Variants in SNX13 observed in about 807,000 individuals in gnomAD.
SNX13 encodes sorting nexin 13, also known as sorting nexin-13.
Under a neutral mutation model 133.6 loss-of-function variants are expected in SNX13, and 45 were observed. The observed-to-expected ratio is 0.34, with a 90% CI of 0.27 to 0.43. SNX13 has a LOEUF of 0.43. Among genes scored for constraint, SNX13 ranks in the 20% least tolerant of loss-of-function variants. The pLI is 1.00. For missense variants in SNX13, 1,032 were observed against 1,145.1 expected, an observed-to-expected ratio of 0.90 and a Z score of 1.43; for synonymous variants, 414 against 373.9, an observed-to-expected ratio of 1.11 and a Z score of -1.24.
chr7:17,896,413 T>C (rs558942842), intron 2 of SNX13, among the ~76,000 whole-genome samples: 39 of 152,280 alleles, frequency 2.6e-4, no homozygotes, highest in Middle Eastern at 3.4e-3. Context: ...ATCAAATCTG[T>C]ATCCCCAAAA....
At chr7:17,921,359 T>C (rs1283980215) in intron 1 of SNX13, among the ~76,000 whole-genome samples, 3 of 152,198 alleles carry the variant, frequency 2.0e-5, no homozygotes, top group Non-Finnish European at 4.4e-5. Context: ...TGTACTGTTC[T>C]TGCTTTTTCC....
intron 3 of SNX13, among the ~76,000 whole-genome samples, chr7:17,892,060 G>A (rs888795256): frequency 6.6e-6 from 1 of 151,940 alleles, no homozygotes; most frequent in Non-Finnish European, 1.5e-5. Context: ...TGTAGGGATA[G>A]TTTTGGCAAC....
chr7:17,806,809 AG>A (rs941348467), intron 20 of SNX13, among the ~76,000 whole-genome samples: 1 of 152,164 alleles, frequency 6.6e-6, no homozygotes, highest in Non-Finnish European at 1.5e-5. Flanking sequence ...ACAGAGGGCG[AG>A]CTGAAGCAGG....
At chr7:17,841,185 G>T (rs1299941603) in intron 12 of SNX13, among the ~76,000 whole-genome samples, 9 of 152,050 alleles carry the variant, frequency 5.9e-5, no homozygotes, top group Admixed American at 5.9e-4. Flanking sequence ...CTCTTGATTG[G>T]TCCAAGCCCC....
At chr7:17,801,048 A>ATATATGTATATATATATATATATATATG (rs1784590313) in intron 22 of SNX13, among the ~76,000 whole-genome samples, 1 of 27,536 alleles carries the variant, frequency 3.6e-5, no homozygotes, top group African/African-American at 1.2e-4. Flanking sequence ...ATATATATAT[A>ATATATGTATATATATATATATATATATG]TATATATATA....
intron 15 of SNX13, 27 bp downstream of exon 15, chr7:17,834,025 T>A (rs780555736): frequency 6.9e-7 from 1 of 1,450,906 alleles, no homozygotes; most frequent in South Asian, 1.5e-5. Flanking sequence ...TATATGCATA[T>A]TATGTGTAAA....
chr7:17,813,580 T>G lies in SNX13; in HGVS notation c.2064+1254A>C, dbSNP rs575697973. On this transcript the variant is annotated intron_variant, in intron 20 of 25. Transcript: ENST00000428135. ...AATCAAAAATCCTGAAGTAATCATA[T>G]GAACTCCTTTTTTTTTTTTTTTTTG... is the stretch of plus-strand genomic sequence containing the variant. Among the ~76,000 whole-genome samples the G allele has an allele frequency of 2.0e-5, 3 of 151,712 alleles. No homozygotes were observed. The East Asian group carries it at 5.8e-4, about 29-fold the overall frequency.
At chr7:17,890,535 G>C (rs1796513764) in intron 4 of SNX13, 51 bp from the exon 5 acceptor site, 15 of 1,403,258 alleles carry the variant, frequency 1.1e-5, no homozygotes, top group Non-Finnish European at 1.4e-5. Context: ...GATTTAAAAA[G>C]TTACAGTGGT....
chr7:17,853,353 T>A lies in SNX13; in HGVS notation c.838-2389A>T, dbSNP rs188754661. Among the ~76,000 whole-genome samples the A allele has an allele frequency of 4.5e-4, 69 of 152,052 alleles. 3 individuals carry two copies. The East Asian group carries it at 0.013, about 29-fold the overall frequency. ...TTTAAACTAAGCAAAGCAGGAAGAG[T>A]GGGCTATGAAAAGGTAATAGACTTC... On this transcript the variant is annotated intron_variant, in intron 9 of 25. Transcript: ENST00000428135.
chr7:17,833,613 T>G (rs929920642), intron 15 of SNX13, among the ~76,000 whole-genome samples: 3 of 151,734 alleles, frequency 2.0e-5, no homozygotes, highest in African/African-American at 7.2e-5. Context: ...TCACACTGTG[T>G]AGAATTTGGA....
chr7:17,806,148 A>C (rs1179174342), intron 20 of SNX13, among the ~76,000 whole-genome samples: 2 of 152,176 alleles, frequency 1.3e-5, no homozygotes, highest in Non-Finnish European at 2.9e-5. Context: ...TTGTATTGTT[A>C]ACAACATACA....
intron 1 of SNX13, among the ~76,000 whole-genome samples, chr7:17,920,272 T>C (rs1750340904): frequency 6.6e-6 from 1 of 152,220 alleles, no homozygotes; most frequent in South Asian, 2.1e-4. Context: ...AAAGTCTTGT[T>C]TTCACTTAGC....
In SNX13 at chr7:17,814,946, T is replaced by TAAC; in HGVS notation, c.1954-5_1954-3dup. On this transcript the variant is annotated splice_polypyrimidine_tract_variant and splice_region_variant and intron_variant, in intron 19 of 25. Transcript: ENST00000428135. ...CATCATTTCAGGAGCTAACAGTAAC[T>TAAC]AACAAGAAAAAAAAAAAAAAGAAGA... 7 of 1,319,520 alleles carry TAAC rather than the reference T, an allele frequency of 5.3e-6. No homozygotes were observed. The highest frequency in any genetic ancestry group is 1.9e-4 in the Middle Eastern group (1 of 5,186). 81.7% of individuals were successfully genotyped at this position (1,319,520 alleles called of 1,614,324 possible).
intron 5 of SNX13, among the ~76,000 whole-genome samples, chr7:17,886,589 C>CAA (rs768407457): frequency 7.2e-6 from 1 of 138,634 alleles, no homozygotes; most frequent in Non-Finnish European, 1.6e-5. Context: ...GACTCCGTCT[C>CAA]AAAAAAAAAA....
intron 13 of SNX13, among the ~76,000 whole-genome samples, chr7:17,838,288 G>T (rs1160777796): frequency 6.6e-6 from 1 of 151,746 alleles, no homozygotes; most frequent in Non-Finnish European, 1.5e-5. Flanking sequence ...CATAATATTT[G>T]CTTACTCCTT....
At chr7:17,901,208 C>G (rs1279269763) in intron 1 of SNX13, among the ~76,000 whole-genome samples, 1 of 152,126 alleles carries the variant, frequency 6.6e-6, no homozygotes, top group Non-Finnish European at 1.5e-5. Flanking sequence ...ACAGAATCCT[C>G]TTCACTTTTC....
chr7:17,924,352 T>C (rs1338329447), intron 1 of SNX13, among the ~76,000 whole-genome samples: 2 of 152,154 alleles, frequency 1.3e-5, no homozygotes, highest in Non-Finnish European at 2.9e-5. Flanking sequence ...AAAGAAGATA[T>C]ACAAATGAAA....
At chr7:17,818,251 A>G (rs1180830659) in intron 18 of SNX13, among the ~76,000 whole-genome samples, 3 of 152,188 alleles carry the variant, frequency 2.0e-5, no homozygotes, top group African/African-American at 7.2e-5. Flanking sequence ...GTGGCATTTT[A>G]TTAGGGCAGC....
chr7:17,891,713 A>C (rs578126359), intron 3 of SNX13, 78 bp from the exon 4 acceptor site: 3 of 904,986 alleles, frequency 3.3e-6, no homozygotes, highest in Non-Finnish European at 5.3e-6. Context: ...TTGAATACTC[A>C]ATGTAACATC....
Sources: gnomAD v4.1 joint callset for allele counts (sites outside exome capture counted in the v4.1 genomes callset) on GRCh38, gnomAD v4.1.1 for gene constraint, MANE v1.5 for transcripts, NCBI Gene and HGNC (gene_info 2026-07-23, HGNC 2026-07-21) for gene names.